The following ACVR2A variants were observed in gnomAD, a reference collection of about 807,000 sequenced individuals.
ACVR2A encodes the protein activin A receptor type 2A.
Under a neutral mutation model 61.4 loss-of-function variants are expected in ACVR2A, and 7 were observed. The observed-to-expected ratio is 0.11, with a 90% CI of 0.06 to 0.21. The LOEUF (loss-of-function observed/expected upper bound fraction) is 0.21. Ranked by LOEUF, ACVR2A falls within the 10% of genes least tolerant of loss-of-function variation. The probability of loss-of-function intolerance (pLI) is 1.00; values close to 1 mark genes in which losing one functional copy is unlikely to be tolerated. For missense variants in ACVR2A, 322 were observed against 621.7 expected (o/e 0.52, Z 5.13); for synonymous variants, 193 against 208.3 (o/e 0.93, Z 0.63).
chr2:147,920,996 A>G (rs1028690102), intron 8 of ACVR2A, among the ~76,000 whole-genome samples: 1 of 152,090 alleles, frequency 6.6e-6, no homozygotes, highest in East Asian at 1.9e-4. Context: ...GAGGCTGGAA[A>G]AGATGTTTTC....
intron 1 of ACVR2A, among the ~76,000 whole-genome samples, chr2:147,848,453 G>A (rs1685370126): frequency 6.6e-6 from 1 of 152,152 alleles, no homozygotes; most frequent in African/African-American, 2.4e-5. Context: ...TAGTTGGGTA[G>A]AGGGCAGGGA....
At chr2:147,913,895 T>C (rs1432335509) in intron 4 of ACVR2A, among the ~76,000 whole-genome samples, 1 of 150,072 alleles carries the variant, frequency 6.7e-6, no homozygotes, top group Non-Finnish European at 1.5e-5. Context: ...TGTTTTATCT[T>C]ACTGTTTAAA....
chr2:147,867,294 A>T (rs1369128236), intron 1 of ACVR2A, among the ~76,000 whole-genome samples: 4 of 152,156 alleles, frequency 2.6e-5, no homozygotes, highest in Non-Finnish European at 5.9e-5. Context: ...AGAGGTGGGG[A>T]AGAAAGCCAG....
intron 1 of ACVR2A, among the ~76,000 whole-genome samples, chr2:147,856,040 G>A (rs973004743): frequency 6.6e-6 from 1 of 151,982 alleles, no homozygotes; most frequent in Non-Finnish European, 1.5e-5. Context: ...TATCTTTTCA[G>A]GTTATCAAGG....
intron 4 of ACVR2A, among the ~76,000 whole-genome samples, chr2:147,902,302 T>C (rs1686888061): frequency 6.6e-6 from 1 of 151,998 alleles, no homozygotes; most frequent in South Asian, 2.1e-4. Flanking sequence ...ATCTCCATTT[T>C]ATAGATAGAA....
At position 147,888,844 on chromosome 2, in the gene ACVR2A, CTG is replaced by C. The variant is rs150597983; in HGVS notation, c.56-7453_56-7452del. Reference sequence around the variant, plus strand: ...CAACTTTCAGTACTGTGTTTCAGTACTGTGTTAGAGTGTTGAGAGTGAAATTG... The same window carrying C: ...CAACTTTCAGTACTGTGTTTCAGTACTGTTAGAGTGTTGAGAGTGAAATTG... On this transcript the variant is annotated intron_variant, in intron 1 of 10. Transcript: ENST00000241416. 1.5e-3 allele frequency among the ~76,000 whole-genome samples: 225 copies of C among 152,104 alleles called. 2 individuals are homozygous for C. Among genetic ancestry groups the C allele is most frequent in the African/African-American group, 5.2e-3 (215 of 41,484 alleles).
intron 1 of ACVR2A, among the ~76,000 whole-genome samples, chr2:147,868,257 G>A (rs116984651): frequency 1.3e-5 from 2 of 152,122 alleles, no homozygotes; most frequent in Non-Finnish European, 2.9e-5. Flanking sequence ...AGAGGATTCT[G>A]TACAGAGTGG....
chr2:147,882,736 C>T (rs969571811), intron 1 of ACVR2A, among the ~76,000 whole-genome samples: 1 of 151,912 alleles, frequency 6.6e-6, no homozygotes, highest in Non-Finnish European at 1.5e-5. Flanking sequence ...AAATATATTA[C>T]TTTAGTTAGA....
chr2:147,904,887 A>G (rs1295471481), intron 4 of ACVR2A, among the ~76,000 whole-genome samples: 1 of 152,078 alleles, frequency 6.6e-6, no homozygotes, highest in Non-Finnish European at 1.5e-5. Context: ...TGAGTATTTA[A>G]TATGCTAATA....
rs140866519 is a variant in ACVR2A, at chr2:147,855,249, C to A, written c.55+10042C>A. Among the ~76,000 whole-genome samples the A allele has an allele frequency of 2.3e-3, 353 of 152,232 alleles. 2 individuals are homozygous for A. The highest frequency in any genetic ancestry group is 7.8e-3 in the African/African-American group (326 of 41,536). On this transcript the variant is annotated intron_variant, in intron 1 of 10. Transcript: ENST00000241416. ...GGGGTGGGGAAGGGTGTGACTTTTT[C>A]TTAATACTTCCAATGCATGGCACAG...
intron 2 of ACVR2A, among the ~76,000 whole-genome samples, chr2:147,899,081 C>T (rs1686813367): frequency 6.6e-6 from 1 of 151,984 alleles, no homozygotes; most frequent in Non-Finnish European, 1.5e-5. Flanking sequence ...AATGGAAATG[C>T]CATATTTCCT....
At chr2:147,925,659 G>A (rs1687485366) in intron 9 of ACVR2A, 1 of 162,038 alleles carries the variant, frequency 6.2e-6, no homozygotes, top group Admixed American at 6.2e-5. Flanking sequence ...AAGCACCACT[G>A]TTAACATTCT....
chr2:147,863,557 T>C (rs1204492750), intron 1 of ACVR2A, among the ~76,000 whole-genome samples: 1 of 152,232 alleles, frequency 6.6e-6, no homozygotes, highest in East Asian at 1.9e-4. Context: ...ATATACATAC[T>C]ATTTTGTATG....
intron 5 of ACVR2A, 105 bp from the exon 6 acceptor site, chr2:147,917,178 T>G: frequency 1.6e-6 from 2 of 1,227,388 alleles, no homozygotes; most frequent in Non-Finnish European, 2.2e-6. Flanking sequence ...AAGACTTTTT[T>G]GTTTTGTTTT....
At position 147,884,644 on chromosome 2, in the gene ACVR2A, C is replaced by G. The variant is rs536416664; in HGVS notation, c.56-11657C>G. On this transcript the variant is annotated intron_variant, in intron 1 of 10. Transcript: ENST00000241416. ...CAGCTAACTACCCAACCCAATAAAC[C>G]AAATCATTTTTATCTTTTAGTTTCT... Among the ~76,000 whole-genome samples the G allele has an allele frequency of 8.8e-4, 134 of 152,118 alleles. 1 individual carries two copies. The highest frequency in any genetic ancestry group is 1.9e-3 in the African/African-American group (80 of 41,542).
At chr2:147,918,770 T>G (rs541836355) in intron 7 of ACVR2A, among the ~76,000 whole-genome samples, 178 bp downstream of exon 7, 6 of 152,114 alleles carry the variant, frequency 3.9e-5, no homozygotes, top group Non-Finnish European at 8.8e-5. Context: ...TTGGATAATG[T>G]ATATGTTAAC....
chr2:147,859,163 C>T (rs557128495), intron 1 of ACVR2A, among the ~76,000 whole-genome samples: 1 of 152,094 alleles, frequency 6.6e-6, no homozygotes, highest in Non-Finnish European at 1.5e-5. Flanking sequence ...TGTTTTACCC[C>T]CAAGAATAAC....
chr2:147,892,801 T>C (rs561600881), intron 1 of ACVR2A, among the ~76,000 whole-genome samples: 1 of 151,958 alleles, frequency 6.6e-6, no homozygotes, highest in South Asian at 2.1e-4. Flanking sequence ...AAAAAAGGAA[T>C]AGTATTTTAA....
intron 1 of ACVR2A, among the ~76,000 whole-genome samples, chr2:147,877,746 GTTATA>G (rs1686195391): frequency 6.6e-6 from 1 of 152,158 alleles, no homozygotes; most frequent in Non-Finnish European, 1.5e-5. Flanking sequence ...TCAAGTGAAA[GTTATA>G]TTAGTGAAAT....
Sources: allele counts gnomAD v4.1 joint callset (sites outside exome capture counted in the v4.1 genomes callset), GRCh38; gene constraint gnomAD v4.1.1; transcripts MANE v1.5; gene names NCBI Gene and HGNC (gene_info 2026-07-23, HGNC 2026-07-21).